The following INF2 variants were observed in gnomAD, a reference collection of about 807,000 sequenced individuals.
The protein encoded by INF2 is inverted formin 2, also known as inverted formin-2.
A neutral mutation model predicts 123.5 loss-of-function variants in INF2; 43 were observed. That is an observed-to-expected ratio of 0.35 (90% CI 0.27 to 0.45). The LOEUF (loss-of-function observed/expected upper bound fraction) is 0.45. Among genes scored for constraint, INF2 ranks in the 20% least tolerant of loss-of-function variants. The pLI, the probability that INF2 is intolerant of heterozygous loss-of-function variation, is 1.00. For missense variants in INF2, 1,453 were observed against 1,682.7 expected, an observed-to-expected ratio of 0.86 and a Z score of 2.39; for synonymous variants, 851 against 745.0, an observed-to-expected ratio of 1.14 and a Z score of -2.32.
At position 104,718,742 on chromosome 14, in the gene INF2, A is replaced by G. The variant is rs1890435044; in HGVS notation, c.*2-53A>G. The G allele has an allele frequency of 3.1e-6, 5 of 1,599,450 alleles. No individual in the cohort carries two copies. In the East Asian group the frequency reaches 9.0e-5, roughly 29 times the overall value. ...GGGCACCCAGAAGCGGGCACCTGAT[A>G]TTGTACCCAGCAAAACTGCTCCTAA... On this transcript the variant is annotated intron_variant, in intron 22 of 22. Transcript: ENST00000392634.
At chr14:104,683,981 G>A (rs952749980) in intron 1 of INF2, 12 of 453,446 alleles carry the variant, frequency 2.6e-5, no homozygotes, top group Non-Finnish European at 4.0e-5. Flanking sequence ...AGCACCTCCA[G>A]GGAGCCCATC....
chr14:104,714,371 G>A lies in INF2; in HGVS notation c.3209G>A (p.Arg1070Gln), dbSNP rs374424323. 49 of 1,597,416 alleles carry A rather than the reference G, an allele frequency of 3.1e-5. No individual in the cohort carries two copies. The highest frequency in any genetic ancestry group is 2.3e-4 in the African/African-American group (17 of 74,560). The change falls in exon 21 of 23, where the codon CGG (arginine) becomes CAG (glutamine). Residue 1070 changes from arginine to glutamine, a missense_variant. Coordinates refer to ENST00000392634, the MANE Select transcript of INF2 (RefSeq NM_022489.4). ...GAGCAGTTGGAGGAGGGTGGTCCAC[G>A]GCCCCTGGAGAGGCGTTCTTCCTGG... ...TLEQLEEGGP[R>Q]PLERRSSWYV...
chr14:104,695,203 G>A (rs1362121413), intron 1 of INF2, among the ~76,000 whole-genome samples: 3 of 152,074 alleles, frequency 2.0e-5, no homozygotes, highest in Non-Finnish European at 4.4e-5. Context: ...ATCAGGCCCT[G>A]TGCCCTTCCC....
At chr14:104,711,252 C>A in intron 15 of INF2, 66 bp downstream of exon 15, 1 of 1,333,894 alleles carries the variant, frequency 7.5e-7, no homozygotes, top group Non-Finnish European at 1.0e-6. Context: ...GGTGTAGAGG[C>A]GTAGAGGCCA....
intron 12 of INF2, 139 bp downstream of exon 12, chr14:104,709,844 T>C (rs917431290): frequency 5.1e-6 from 4 of 790,810 alleles, no homozygotes; most frequent in African/African-American, 3.4e-5. Context: ...ATTGCAGCGG[T>C]TGGGCTTCTA....
rs753203154 is a variant in INF2 at position 104,713,008 on chromosome 14, G to A, written c.2775+16G>A. ...CGCCCTGAAGGTGGGGCAGCCCGGCGGGACACAGCCTGTCTGGCTAGAGTG... is the reference window on the plus strand; with the variant it reads ...CGCCCTGAAGGTGGGGCAGCCCGGCAGGACACAGCCTGTCTGGCTAGAGTG... On this transcript the variant is annotated intron_variant, in intron 18 of 22. Coordinates refer to ENST00000392634, the MANE Select transcript of INF2 (RefSeq NM_022489.4). The A allele has an allele frequency of 4.5e-5, 73 of 1,611,756 alleles. No homozygotes were observed. The South Asian group carries it at 5.6e-4, about 12-fold the overall frequency.
intron 5 of INF2, among the ~76,000 whole-genome samples, chr14:104,705,218 A>G (rs1889724941): frequency 6.6e-6 from 1 of 152,158 alleles, no homozygotes; most frequent in Non-Finnish European, 1.5e-5. Context: ...GGAGTTCGAG[A>G]CCAGCTTGGC....
intron 2 of INF2, among the ~76,000 whole-genome samples, chr14:104,702,864 G>A (rs1401322732): frequency 6.6e-6 from 1 of 152,246 alleles, no homozygotes; most frequent in Non-Finnish European, 1.5e-5. Context: ...GTGACAGGAT[G>A]GGGCAGCTGC....
intron 1 of INF2, chr14:104,700,878 C>G: frequency 1.0e-6 from 1 of 985,228 alleles, no homozygotes; most frequent in Non-Finnish European, 1.2e-6. Flanking sequence ...TGGAATCTCC[C>G]TGTCCATATT....
Position 104,706,925 on chromosome 14 carries a change from G to A in INF2, c.859G>A (p.Val287Met). The change falls in exon 7 of 23, where the codon GTG (valine) becomes ATG (methionine). Residue 287 changes from valine to methionine, a missense_variant. Around this residue, in one of 8 missense-constraint regions of INF2, gnomAD observed 251 missense variants for 349.4 expected, o/e 0.72. Transcript: ENST00000392634. ...GCCCGTCCAGGTGAGCTGCTCCCCG[G>A]TGTCTGCCCAGCTCCTGTCGGTGCT... ...SLFHKVSCSP[V>M]SAQLLSVLQG... The A allele has an allele frequency of 1.2e-6, 2 of 1,604,396 alleles. No homozygotes were observed. Among genetic ancestry groups the A allele is most frequent in the South Asian group, 2.2e-5 (2 of 91,014 alleles).
At chr14:104,687,763 C>T (rs1036579979), upstream of INF2, among the ~76,000 whole-genome samples, 1 of 152,178 alleles carries the variant, frequency 6.6e-6, no homozygotes, top group African/African-American at 2.4e-5. The surrounding 1 kb of genome is among the most constrained non-coding windows in gnomAD (Gnocchi z 5.6). Flanking sequence ...CACACCTGAC[C>T]TCCTACTCCA....
intron 5 of INF2, among the ~76,000 whole-genome samples, chr14:104,705,812 G>A (rs556816819): frequency 5.3e-5 from 8 of 152,344 alleles, no homozygotes; most frequent in African/African-American, 1.4e-4. Context: ...CTGGTGACCC[G>A]GGGGCAGCCT....
intron 1 of INF2, among the ~76,000 whole-genome samples, chr14:104,696,379 C>G (rs1013793431): frequency 7.2e-5 from 11 of 152,208 alleles, no homozygotes; most frequent in Admixed American, 1.3e-4. Flanking sequence ...AGGCCCAGTG[C>G]GCCCCATGCC....
intron 21 of INF2, 72 bp downstream of exon 21, chr14:104,714,928 C>T (rs1890223426): frequency 1.4e-6 from 2 of 1,413,940 alleles, no homozygotes; most frequent in Admixed American, 2.8e-5. Flanking sequence ...CTCCCCTTCC[C>T]CATTGGGCAC....
chr14:104,712,737 T>C, intron 17 of INF2, 91 bp from the exon 18 acceptor site: 1 of 1,489,802 alleles, frequency 6.7e-7, no homozygotes, highest in Non-Finnish European at 9.0e-7. Flanking sequence ...GGCCTGTCCC[T>C]GTGGCCGTCA....
rs968123334 is a variant in INF2 at position 104,699,044 on chromosome 14, G to C, written c.-9-2313G>C. On this transcript the variant is annotated intron_variant, in intron 1 of 22. Transcript: ENST00000392634. This position sits in a 1 kb window ranked among gnomAD's most constrained non-coding sequence, Gnocchi z 4.7. The stretch of plus-strand genomic sequence containing the variant: ...CTTGACTGGGGTCTTTCAGGGGCTT[G>C]CACAGGGCAAGGAGCGCTGGGCAGT... Among the ~76,000 whole-genome samples the C allele has an allele frequency of 2.0e-5, 3 of 152,176 alleles. No homozygotes were observed. The highest frequency in any genetic ancestry group is 7.2e-5 in the African/African-American group (3 of 41,440).
At chr14:104,711,050 T>C (rs1270432197) in intron 14 of INF2, 29 bp from the exon 15 acceptor site, 3 of 1,606,646 alleles carry the variant, frequency 1.9e-6, no homozygotes, top group African/African-American at 1.3e-5. Flanking sequence ...TGCCAGGGGC[T>C]GGTGAGACTC....
intron 1 of INF2, among the ~76,000 whole-genome samples, chr14:104,700,368 C>T (rs745789505): frequency 2.6e-5 from 4 of 152,128 alleles, no homozygotes; most frequent in Admixed American, 6.5e-5. Flanking sequence ...AGTGCTGGGC[C>T]GGGGTGGAGG....
exon 1 of INF2, chr14:104,681,276 T>C: frequency 5.4e-6 from 2 of 368,142 alleles, no homozygotes; most frequent in Non-Finnish European, 1.1e-5. Context: ...GCCTCATCAA[T>C]GCCCCATGCT....
Sources: gnomAD v4.1 joint callset for allele counts (sites outside exome capture counted in the v4.1 genomes callset) on GRCh38, gnomAD v4.1.1 for gene constraint, gnomAD v4.1.1 regional missense constraint, Gnocchi (gnomAD v3.1) non-coding constraint, MANE v1.5 for transcripts, NCBI Gene and HGNC (gene_info 2026-07-23, HGNC 2026-07-21) for gene names.